Variants in RALYL observed in about 807,000 individuals in gnomAD.
RALYL encodes RNA-binding Raly-like protein.
Under a neutral mutation model 35.1 loss-of-function variants are expected in RALYL, and 29 were observed. The ratio of observed to expected loss-of-function variants is 0.83; its 90% CI spans 0.61 to 1.13. RALYL has a LOEUF of 1.13. Among genes scored for constraint, RALYL ranks in the 50% most tolerant of loss-of-function variants. RALYL has a pLI of 0.00. For missense variants in RALYL, 359 were observed against 360.4 expected, an observed-to-expected ratio of 1.00 and a Z score of 0.03; for synonymous variants, 120 against 127.6, an observed-to-expected ratio of 0.94 and a Z score of 0.40.
rs112081966 is a variant in RALYL, at chr8:84,276,637, T to C, written c.-24+92213T>C. On this transcript the variant is annotated intron_variant, in intron 1 of 8. Transcript: ENST00000521268. The stretch of plus-strand genomic sequence containing the variant: ...ATAGTCATCCTATTGACTCAGTCCT[T>C]GTGTCCTTATAAGCAGATAACAGTG... 3.1e-3 allele frequency among the ~76,000 whole-genome samples: 475 copies of C among 152,272 alleles called. 5 individuals are homozygous for C. Among genetic ancestry groups the C allele is most frequent in the African/African-American group, 0.011 (460 of 41,550 alleles).
At chr8:84,919,847 A>G (rs1445347369) in intron 8 of RALYL, among the ~76,000 whole-genome samples, 1 of 152,060 alleles carries the variant, frequency 6.6e-6, no homozygotes, top group Admixed American at 6.6e-5. Context: ...CAATATCATA[A>G]CAAGATTTGA....
At chr8:84,328,255 G>T (rs1168429615) in intron 1 of RALYL, among the ~76,000 whole-genome samples, 1 of 152,204 alleles carries the variant, frequency 6.6e-6, no homozygotes, top group Non-Finnish European at 1.5e-5. Flanking sequence ...CCAGAAATTT[G>T]TCAGTTTTAA....
chr8:84,209,346 T>C lies in RALYL; in HGVS notation c.-24+24922T>C, dbSNP rs765633890. Among the ~76,000 whole-genome samples, 78 of 152,266 alleles carry C rather than the reference T, an allele frequency of 5.1e-4. 1 individual carries two copies. The highest frequency in any genetic ancestry group is 9.1e-4 in the Non-Finnish European group (62 of 68,014). On this transcript the variant is annotated intron_variant, in intron 1 of 8. Transcript: ENST00000521268. ...TTGTGGCCCCGGTTATGAAAGCTTT[T>C]TAGTTTTACTTTGATGTGCCGTAAA...
chr8:84,464,504 T>G (rs1264644783), intron 1 of RALYL, among the ~76,000 whole-genome samples: 4 of 151,004 alleles, frequency 2.6e-5, no homozygotes, highest in African/African-American at 9.7e-5. Flanking sequence ...TATTCCATGG[T>G]GTATATGTGC....
chr8:84,500,416 A>ATTTTAAGTACTGTT (rs2056529658), intron 1 of RALYL, among the ~76,000 whole-genome samples: 1 of 152,168 alleles, frequency 6.6e-6, no homozygotes, highest in East Asian at 1.9e-4. Flanking sequence ...AAGTACTGCT[A>ATTTTAAGTACTGTT]TTTAAGACCT....
intron 2 of RALYL, among the ~76,000 whole-genome samples, chr8:84,570,138 T>G (rs555443891): frequency 1.3e-5 from 2 of 152,050 alleles, no homozygotes; most frequent in Admixed American, 6.6e-5. Flanking sequence ...CATTAGTAAT[T>G]GGATAGGAAC....
rs142531142 is a variant in RALYL at position 84,900,735 on chromosome 8, C to G, written c.858+12959C>G. Among the ~76,000 whole-genome samples the G allele has an allele frequency of 7.4e-4, 113 of 151,960 alleles. 3 individuals carry two copies. The East Asian group carries it at 0.019, about 26-fold the overall frequency. ...GTAGGAAAACAAAATTTTTTAATTG[C>G]ATAAGCAGTAACAAATTTACAAGCA... On this transcript the variant is annotated intron_variant, in intron 8 of 8. Coordinates refer to ENST00000521268, the MANE Select transcript of RALYL (RefSeq NM_173848.7).
intron 2 of RALYL, among the ~76,000 whole-genome samples, chr8:84,704,641 T>C (rs569375784): frequency 6.6e-6 from 1 of 152,254 alleles, no homozygotes; most frequent in Non-Finnish European, 1.5e-5. Flanking sequence ...TGTACAGTAA[T>C]GCAGACACTG....
chr8:84,764,811 A>G (rs1268040253), intron 2 of RALYL, among the ~76,000 whole-genome samples: 1 of 152,234 alleles, frequency 6.6e-6, no homozygotes, highest in African/African-American at 2.4e-5. Flanking sequence ...ATTTTAACAT[A>G]CTATTAAGGA....
chr8:84,407,018 C>CTATA (rs5892918), intron 1 of RALYL, among the ~76,000 whole-genome samples: 5 of 148,212 alleles, frequency 3.4e-5, no homozygotes, highest in African/African-American at 5.0e-5. Context: ...CTCTCTCTCT[C>CTATA]TATATATATA....
chr8:84,331,831 A>G (rs1846875838), intron 1 of RALYL, among the ~76,000 whole-genome samples: 1 of 152,114 alleles, frequency 6.6e-6, no homozygotes, highest in South Asian at 2.1e-4. Flanking sequence ...CTGTAATCAA[A>G]CACATACCTT....
At chr8:84,418,859 G>T (rs1243287709) in intron 1 of RALYL, among the ~76,000 whole-genome samples, 1 of 151,806 alleles carries the variant, frequency 6.6e-6, no homozygotes, top group Non-Finnish European at 1.5e-5. Context: ...TTGCTTAGAG[G>T]CCTGCCATTT....
chr8:84,348,988 T>C (rs1236298323), intron 1 of RALYL, among the ~76,000 whole-genome samples: 2 of 150,030 alleles, frequency 1.3e-5, no homozygotes, highest in Admixed American at 1.3e-4. Context: ...ACAGGCTGGG[T>C]AGGGAAGAGA....
At chr8:84,267,300 T>C (rs1049857399) in intron 1 of RALYL, among the ~76,000 whole-genome samples, 3 of 152,172 alleles carry the variant, frequency 2.0e-5, no homozygotes, top group Admixed American at 1.3e-4. Flanking sequence ...AACATTTTGA[T>C]CCCGATTGTA....
At position 84,513,807 on chromosome 8, in the gene RALYL, C is replaced by T. The variant is rs144728748; in HGVS notation, c.-23-15492C>T. 3.2e-3 allele frequency among the ~76,000 whole-genome samples: 489 copies of T among 151,768 alleles called. 4 individuals are homozygous for T. The highest frequency in any genetic ancestry group is 0.012 in the African/African-American group (477 of 41,436). ...TAAACTCCTTTGAAGATAAGAAATG[C>T]CAATAGGACCAGGTGCAGTGGCTCA... is the stretch of plus-strand genomic sequence containing the variant. On this transcript the variant is annotated intron_variant, in intron 1 of 8. Transcript: ENST00000521268.
intron 2 of RALYL, among the ~76,000 whole-genome samples, chr8:84,597,818 G>T (rs1296112113): frequency 1.3e-5 from 2 of 152,220 alleles, no homozygotes; most frequent in Admixed American, 1.3e-4. Flanking sequence ...GGTGTTTTGT[G>T]CTATAACAGC....
rs546514363 is a variant in RALYL at position 84,684,972 on chromosome 8, C to T, written c.257-89607C>T. ...GGCCTCCTCTCAGCTGGTAGGCAGT[C>T]GCCATTTTGCTGTGTGCTCACGTGA... On this transcript the variant is annotated intron_variant, in intron 2 of 8. Coordinates refer to ENST00000521268, the MANE Select transcript of RALYL (RefSeq NM_173848.7). Among the ~76,000 whole-genome samples the T allele has an allele frequency of 1.8e-4, 28 of 152,206 alleles. 1 individual carries two copies. In the East Asian group the frequency reaches 3.9e-3, roughly 21 times the overall value.
At chr8:84,864,507 T>C (rs1056804248) in intron 6 of RALYL, among the ~76,000 whole-genome samples, 8 of 152,320 alleles carry the variant, frequency 5.3e-5, no homozygotes, top group Middle Eastern at 3.4e-3. Flanking sequence ...TTTTGTGAAG[T>C]GGTGTATCTT....
At chr8:84,855,330 A>T (rs1836747167) in intron 5 of RALYL, among the ~76,000 whole-genome samples, 1 of 152,184 alleles carries the variant, frequency 6.6e-6, no homozygotes, top group African/African-American at 2.4e-5. Flanking sequence ...TGTCCACATT[A>T]TATTGTCATA....
Sources: gnomAD v4.1 joint callset for allele counts (sites outside exome capture counted in the v4.1 genomes callset) on GRCh38, gnomAD v4.1.1 for gene constraint, MANE v1.5 for transcripts, NCBI Gene and HGNC (gene_info 2026-07-23, HGNC 2026-07-21) for gene names.